PLIN4: variants seen among roughly 807,000 people sequenced by gnomAD.
PLIN4 encodes perilipin 4, also known as perilipin-4.
In PLIN4, 57 loss-of-function variants were observed where a neutral mutation model predicts 52.4. The observed-to-expected ratio is 1.09, with a 90% CI of 0.88 to 1.36. PLIN4 has a LOEUF of 1.36. PLIN4 is among the 40% of genes most tolerant of loss of function. The probability of loss-of-function intolerance (pLI) is 0.00; values close to 1 mark genes in which losing one functional copy is unlikely to be tolerated. For missense variants in PLIN4, 1,757 were observed against 1,770.3 expected (o/e 0.99, Z 0.13); for synonymous variants, 826 against 785.4 (o/e 1.05, Z -0.86).
intron 3 of PLIN4, among the ~76,000 whole-genome samples, chr19:4,517,008 A>G (rs918475936): frequency 3.3e-5 from 5 of 151,900 alleles, no homozygotes; most frequent in Non-Finnish European, 7.4e-5. Flanking sequence ...CCCCGCCCCC[A>G]CCGCAGCTGC....
At position 4,507,348 on chromosome 19, in the gene PLIN4, G is replaced by A. The variant is rs548748782; in HGVS notation, c.3702+1420C>T. Among the ~76,000 whole-genome samples, 4 of 152,358 alleles carry A rather than the reference G, an allele frequency of 2.6e-5. No homozygotes were observed. In the South Asian group the frequency reaches 8.3e-4, roughly 32 times the overall value. ...GCACTTTGGGAGGCCAAGGCAAGAG[G>A]ATCGCGGGAGCGCAGAAGCTCAAGA... On this transcript the variant is annotated intron_variant, in intron 6 of 7. Coordinates refer to ENST00000301286, the MANE Select transcript of PLIN4 (RefSeq NM_001367868.2).
chr19:4,503,950 T>G lies in PLIN4; in HGVS notation c.*509A>C, dbSNP rs1323898483. ...TGTGGTTCTTAAGACCCTCAAGGTGTGTGTGCTAAGGCCGGAGACCCACTT... is the reference window on the plus strand; with the variant it reads ...TGTGGTTCTTAAGACCCTCAAGGTGGGTGTGCTAAGGCCGGAGACCCACTT... On this transcript the variant is annotated 3_prime_UTR_variant, in exon 8 of 8. Coordinates refer to ENST00000301286, the MANE Select transcript of PLIN4 (RefSeq NM_001367868.2). 6.5e-6 allele frequency: 1 copy of G among 153,410 alleles called. No homozygotes were observed. Among genetic ancestry groups the G allele is most frequent in the Non-Finnish European group, 1.4e-5 (1 of 69,016 alleles). The allele number at this position is 153,410 out of a possible 1,614,324, so 9.5% of individuals were successfully genotyped here.
intron 5 of PLIN4, among the ~76,000 whole-genome samples, chr19:4,509,931 G>T (rs1016726540): frequency 6.7e-6 from 1 of 149,888 alleles, no homozygotes; most frequent in Non-Finnish European, 1.5e-5. Flanking sequence ...ATGAAAAAGG[G>T]CCAGGTGCTC....
chr19:4,513,556 G>A lies in PLIN4; in HGVS notation c.404C>T (p.Thr135Ile), dbSNP rs769477771. Residue 135 changes from threonine (T) to isoleucine (I), a missense_variant, in exon 5 of 8, where the codon ACC becomes ATC. Physicochemically the swap from Thr to Ile is moderately conservative, Grantham distance 89. Around this residue, in one of 7 missense-constraint regions of PLIN4, gnomAD observed 332 missense variants for 310.8 expected, o/e 1.07. Coordinates refer to ENST00000301286, the MANE Select transcript of PLIN4 (RefSeq NM_001367868.2). ...GACCCCGCTGGACACCACCTCCTTG[G>A]TGCCCGTAAGTGCAGACCGAGTGGT... ...LDTTRSALTG[T>I]KEVVSSGVTG... is the part of the protein sequence containing the mutation. The A allele has an allele frequency of 2.5e-6, 4 of 1,607,134 alleles. No homozygotes were observed. The highest frequency in any genetic ancestry group is 1.7e-5 in the Admixed American group (1 of 58,832).
In PLIN4 at chr19:4,517,631, T is replaced by C; in HGVS notation, c.119A>G (p.His40Arg). The change falls in exon 3 of 8, where the codon CAT becomes CGT. Residue 40 changes from histidine (H) to arginine (R), a missense_variant. Coordinates refer to ENST00000301286, the MANE Select transcript of PLIN4 (RefSeq NM_001367868.2). ...GGCCGGCCGGGCTCTCGCCGAGCTATGTGCGTTGGCCACCAGGTTCCGGGC... is the reference window on the plus strand; with the variant it reads ...GGCCGGCCGGGCTCTCGCCGAGCTACGTGCGTTGGCCACCAGGTTCCGGGC... ...SSARNLVANA[H>R]SSARARPAAD... 1 of 1,609,518 alleles carries C rather than the reference T, an allele frequency of 6.2e-7. No homozygotes were observed. Among genetic ancestry groups the C allele is most frequent in the Non-Finnish European group, 8.5e-7 (1 of 1,178,640 alleles).
At chr19:4,517,052 C>T (rs1599754600) in intron 3 of PLIN4, among the ~76,000 whole-genome samples, 1 of 152,206 alleles carries the variant, frequency 6.6e-6, no homozygotes, top group South Asian at 2.1e-4. Flanking sequence ...GCATGTGGAG[C>T]AGAAGTCAGC....
intron 6 of PLIN4, among the ~76,000 whole-genome samples, chr19:4,508,518 C>T (rs573325761): frequency 1.1e-4 from 16 of 152,204 alleles, no homozygotes; most frequent in Non-Finnish European, 1.3e-4. Context: ...CCACCCGCCT[C>T]GGCCTCCCAA....
At chr19:4,505,539 G>A (rs548541590) in intron 6 of PLIN4, among the ~76,000 whole-genome samples, 43 of 152,274 alleles carry the variant, frequency 2.8e-4, no homozygotes, top group African/African-American at 9.4e-4. Context: ...GGAGCACAGC[G>A]TGCGGCTTTG....
chr19:4,502,740 T>C lies in PLIN4; in HGVS notation c.*1719A>G, dbSNP rs899918588. ...TCCCCTCCCACTCGGGGCTTCTCTT[T>C]CCTCCTCTGCATAAGGGGCTGTCAC... is the stretch of plus-strand genomic sequence containing the variant. On this transcript the variant is annotated 3_prime_UTR_variant, in exon 8 of 8. Transcript: ENST00000301286. The C allele has an allele frequency of 2.6e-5, 4 of 155,490 alleles. No individual in the cohort carries two copies. Among genetic ancestry groups the C allele is most frequent in the Non-Finnish European group, 5.7e-5 (4 of 70,584 alleles). 9.6% of individuals were successfully genotyped at this position (155,490 alleles called of 1,614,324 possible).
rs1324332803 is a variant in PLIN4 at position 4,503,548 on chromosome 19, G to A, written c.*911C>T. The A allele has an allele frequency of 6.6e-6, 1 of 152,418 alleles. No homozygotes were observed. Among genetic ancestry groups the A allele is most frequent in the Non-Finnish European group, 1.5e-5 (1 of 68,200 alleles). 9.4% of individuals were successfully genotyped at this position (152,418 alleles called of 1,614,324 possible). A position where few individuals can be genotyped will look rare whatever the true frequency, so the allele number is the denominator to read the frequency against. ...GCTGTGCCATAGGCACGCAGCCTCT[G>A]TGGCTGTTCCCAGCCCTGTCTGATC... On this transcript the variant is annotated 3_prime_UTR_variant, in exon 8 of 8. Coordinates refer to ENST00000301286, the MANE Select transcript of PLIN4 (RefSeq NM_001367868.2).
rs965924348 is a variant in PLIN4, at chr19:4,504,489, C to T, written c.4086G>A (p.Gly1362=). ...QHNPPLSWLV[G]PFALPAGGQ is the part of the protein sequence containing the mutation. The stretch of plus-strand genomic sequence containing the variant: ...GCCCGCCAGCGGGCAAGGCGAAGGG[C>T]CCTACCAGCCAGCTGAGCGGGGGAT... Residue 1362 remains glycine (G), a synonymous_variant, in exon 8 of 8, where the codon GGG becomes GGA. Coordinates refer to ENST00000301286, the MANE Select transcript of PLIN4 (RefSeq NM_001367868.2). 1.9e-6 allele frequency: 3 copies of T among 1,595,608 alleles called. No homozygotes were observed. Among genetic ancestry groups the T allele is most frequent in the Admixed American group, 3.4e-5 (2 of 59,304 alleles).
rs937626572 is a variant in PLIN4, at chr19:4,503,894, GCT to G, written c.*563_*564del. On this transcript the variant is annotated 3_prime_UTR_variant, in exon 8 of 8. Transcript: ENST00000301286. ...GCCTTGGGATGATGATGGCAGTGTC[GCT>G]TTTTCTAGTACTTTCTACTATGAGG... is the stretch of plus-strand genomic sequence containing the variant. 6 of 152,220 alleles carry G rather than the reference GCT, an allele frequency of 3.9e-5. No homozygotes were observed. Among genetic ancestry groups the G allele is most frequent in the African/African-American group, 1.4e-4 (6 of 41,442 alleles). 9.4% of individuals were successfully genotyped at this position (152,220 alleles called of 1,614,324 possible). A position where few individuals can be genotyped will look rare whatever the true frequency, so the allele number is the denominator to read the frequency against.
rs1415590729 is a variant in PLIN4 at position 4,504,564 on chromosome 19, C to T, written c.4011G>A (p.Val1337=). Residue 1337 remains valine (V), a synonymous_variant, in exon 8 of 8, where the codon GTG becomes GTA. Transcript: ENST00000301286. ...AERLVQSREG[V]HQAWQGLEQL... ...GCTCTAACCCCTGCCAAGCCTGGTG[C>T]ACACCCTCGCGGCTCTGCACCAGCC... 4.4e-6 allele frequency: 7 copies of T among 1,603,510 alleles called. No homozygotes were observed. The highest frequency in any genetic ancestry group is 1.7e-5 in the Admixed American group (1 of 59,222).
intron 2 of PLIN4, among the ~76,000 whole-genome samples, chr19:4,517,921 A>G (rs1432793980): frequency 6.6e-6 from 1 of 152,210 alleles, no homozygotes; most frequent in Admixed American, 6.5e-5. Flanking sequence ...CCGATCTCCA[A>G]AGACCTTTTC....
Position 4,518,370 on chromosome 19 carries a change from C to A in PLIN4, c.-18+15G>T. 8.1e-7 allele frequency: 1 copy of A among 1,231,596 alleles called. No individual in the cohort carries two copies. Among genetic ancestry groups the A allele is most frequent in the Non-Finnish European group, 1.0e-6 (1 of 987,838 alleles). 76.3% of individuals were successfully genotyped at this position (1,231,596 alleles called of 1,614,324 possible). ...ACCCACTCCCCACTGAAAGCCTGAG[C>A]AGCCCGACACCCACCTGCAGGCCTG... On this transcript the variant is annotated intron_variant, in intron 1 of 7. Transcript: ENST00000301286.
chr19:4,504,978 G>T, intron 6 of PLIN4, 31 bp from the exon 7 acceptor site: 2 of 1,564,866 alleles, frequency 1.3e-6, no homozygotes, highest in South Asian at 1.2e-5. Context: ...GGAAATGATG[G>T]CTTCTTGGCA....
At chr19:4,505,378 T>C (rs1976061364) in intron 6 of PLIN4, among the ~76,000 whole-genome samples, 4 of 152,278 alleles carry the variant, frequency 2.6e-5, no homozygotes, top group Middle Eastern at 6.8e-3. Flanking sequence ...CCAGGGCCTT[T>C]GCACACACTG....
In PLIN4 at chr19:4,503,408, C is replaced by G. The variant is rs906430065; in HGVS notation, c.*1051G>C. The G allele has an allele frequency of 3.3e-5, 5 of 152,794 alleles. No individual in the cohort carries two copies. Among genetic ancestry groups the G allele is most frequent in the Admixed American group, 2.0e-4 (3 of 15,290 alleles). 9.5% of individuals were successfully genotyped at this position (152,794 alleles called of 1,614,324 possible). ...GCCTGAGAGCACGGGGCCCGGCGGCCGGGTCCGCCACCACCAGTGTCTCTG... is the reference window on the plus strand; with the variant it reads ...GCCTGAGAGCACGGGGCCCGGCGGCGGGGTCCGCCACCACCAGTGTCTCTG... On this transcript the variant is annotated 3_prime_UTR_variant, in exon 8 of 8. Coordinates refer to ENST00000301286, the MANE Select transcript of PLIN4 (RefSeq NM_001367868.2).
Position 4,504,630 on chromosome 19 carries a change from G to A in PLIN4, c.3945C>T (p.Ile1315=), listed in dbSNP as rs761522513. The A allele has an allele frequency of 3.7e-6, 6 of 1,603,920 alleles. No homozygotes were observed. The highest frequency in any genetic ancestry group is 1.7e-5 in the Admixed American group (1 of 59,550). The change falls in exon 8 of 8, where the codon ATC becomes ATT. Residue 1315 remains isoleucine (I), a synonymous_variant. Transcript: ENST00000301286. ...CCTCTACAGAGCCAGCTGAGGCCAC[G>A]ATGCCATAGAGCTCACAGAGGCTGT... is the stretch of plus-strand genomic sequence containing the variant. ...ARHSLCELYG[I]VASAGSVEEL...
Sources: gnomAD v4.1 joint callset for allele counts (sites outside exome capture counted in the v4.1 genomes callset) on GRCh38, gnomAD v4.1.1 for gene constraint, gnomAD v4.1.1 regional missense constraint, MANE v1.5 for transcripts, NCBI Gene and HGNC (gene_info 2026-07-23, HGNC 2026-07-21) for gene names.